Variants in PRKCH observed in about 807,000 individuals in gnomAD.
PRKCH encodes the protein protein kinase C eta.
In PRKCH, 28 loss-of-function variants were observed where a neutral mutation model predicts 82.5. That is an observed-to-expected ratio of 0.34 (90% confidence interval 0.25 to 0.47). PRKCH has a LOEUF of 0.47. Ranked by LOEUF, PRKCH falls within the 20% of genes least tolerant of loss-of-function variation. PRKCH has a pLI of 1.00. For synonymous variants in PRKCH, 322 were observed against 327.4 expected (o/e 0.98, Z 0.18); for missense variants, 705 against 881.8 (o/e 0.80, Z 2.54).
chr14:61,539,623 A>G (rs1187369008), intron 12 of PRKCH, among the ~76,000 whole-genome samples: 2 of 152,204 alleles, frequency 1.3e-5, no homozygotes, highest in African/African-American at 4.8e-5. Flanking sequence ...CTTTATTTTT[A>G]ATAAAGAAAA....
intron 13 of PRKCH, among the ~76,000 whole-genome samples, chr14:61,548,385 A>G (rs371275348): frequency 6.6e-6 from 1 of 152,230 alleles, no homozygotes; most frequent in Non-Finnish European, 1.5e-5. Flanking sequence ...AGGCCAGGCC[A>G]GGCTTCTTTG....
At chr14:61,246,411 G>GA (rs56223735) in intron 1 of PRKCH, among the ~76,000 whole-genome samples, 32,556 of 146,546 alleles carry the variant, frequency 0.22, 4,383 homozygotes, top group African/African-American at 0.38. Flanking sequence ...CTGTCTCAAA[G>GA]AAAAAAAAAA....
At chr14:61,334,709 C>A (rs116410266) in intron 1 of PRKCH, among the ~76,000 whole-genome samples, 250 of 152,274 alleles carry the variant, frequency 1.6e-3, no homozygotes, top group African/African-American at 5.7e-3. Context: ...GAGCAAGTCC[C>A]TCCATCTCTG....
chr14:61,532,664 C>T (rs2043055250), intron 12 of PRKCH, among the ~76,000 whole-genome samples: 1 of 152,050 alleles, frequency 6.6e-6, no homozygotes, highest in African/African-American at 2.4e-5. Context: ...TCTTTTTAAC[C>T]GGGTGAGCTC....
intron 1 of PRKCH, among the ~76,000 whole-genome samples, chr14:61,277,147 A>T (rs2045211311): frequency 6.6e-6 from 1 of 152,148 alleles, no homozygotes. Context: ...GGTTGCAGTG[A>T]GCCAAGTTCA....
At chr14:61,453,502 CTTTCTTTCTTTTTTCT>C in intron 7 of PRKCH, 149 bp downstream of exon 7, 2 of 785,792 alleles carry the variant, frequency 2.5e-6, no homozygotes, top group East Asian at 6.7e-5. Context: ...CTTTCTCTTT[CTTTCTTTCTTTTTTCT>C]TTTCTTTCTT....
intron 1 of PRKCH, among the ~76,000 whole-genome samples, chr14:61,325,405 C>T (rs1239007131): frequency 6.6e-6 from 1 of 152,192 alleles, no homozygotes; most frequent in African/African-American, 2.4e-5. Flanking sequence ...GGTGCTTGAA[C>T]AACTGGATAG....
intron 10 of PRKCH, among the ~76,000 whole-genome samples, chr14:61,520,918 G>A (rs2042896630): frequency 6.6e-6 from 1 of 152,178 alleles, no homozygotes; most frequent in Non-Finnish European, 1.5e-5. Context: ...ACTCCCACAA[G>A]TGTGCAAATC....
chr14:61,420,517 G>A (rs943674266), intron 2 of PRKCH, among the ~76,000 whole-genome samples: 5 of 152,156 alleles, frequency 3.3e-5, no homozygotes, highest in African/African-American at 9.7e-5. Context: ...CTGTCTCCCC[G>A]GCAGACTCAT....
chr14:61,405,470 C>T (rs1049695256), intron 2 of PRKCH, among the ~76,000 whole-genome samples: 6 of 152,160 alleles, frequency 3.9e-5, no homozygotes, highest in Middle Eastern at 3.4e-3. Flanking sequence ...CTCCACCTCC[C>T]GGGTTCAAGC....
intron 9 of PRKCH, 96 bp from the exon 10 acceptor site, chr14:61,485,406 G>A (rs2251380): frequency 1.4e-4 from 199 of 1,431,154 alleles, no homozygotes; most frequent in Non-Finnish European, 1.8e-4. Context: ...ACTTGACAGT[G>A]TCCTCTCTAT....
chr14:61,276,544 C>G (rs1473242628), intron 1 of PRKCH, among the ~76,000 whole-genome samples: 1 of 151,734 alleles, frequency 6.6e-6, no homozygotes, highest in Non-Finnish European at 1.5e-5. Context: ...TTATTAGAGG[C>G]GGGGTTTCAC....
At chr14:61,470,350 G>A (rs1443355137) in intron 9 of PRKCH, among the ~76,000 whole-genome samples, 4 of 151,080 alleles carry the variant, frequency 2.6e-5, no homozygotes, top group African/African-American at 9.8e-5. Flanking sequence ...TTCTCATCCC[G>A]CTGGCAAGAC....
intron 1 of PRKCH, among the ~76,000 whole-genome samples, chr14:61,258,613 C>T (rs1277379875): frequency 6.6e-6 from 1 of 152,140 alleles, no homozygotes; most frequent in Non-Finnish European, 1.5e-5. Context: ...TTTATGAGAA[C>T]ACAGACATAG....
At chr14:61,235,885 AAAAAT>A (rs1269412892) in intron 1 of PRKCH, among the ~76,000 whole-genome samples, 1 of 152,208 alleles carries the variant, frequency 6.6e-6, no homozygotes, top group African/African-American at 2.4e-5. Flanking sequence ...AGTGTAAACT[AAAAAT>A]AAAATTCTAA....
At chr14:61,197,688 C>T (rs1364106590) in intron 1 of PRKCH, among the ~76,000 whole-genome samples, 2 of 152,134 alleles carry the variant, frequency 1.3e-5, no homozygotes, top group African/African-American at 4.8e-5. Context: ...CTCTTAAAGG[C>T]CCCATCTCTC....
intron 1 of PRKCH, among the ~76,000 whole-genome samples, chr14:61,254,862 A>G (rs1959663): frequency 0.88 from 134,281 of 152,156 alleles, 59,316 homozygotes; most frequent in Middle Eastern, 0.93. Flanking sequence ...GGTGTAGACC[A>G]GCATCGCCAA....
At chr14:61,297,922 G>A (rs1006885957) in intron 1 of PRKCH, among the ~76,000 whole-genome samples, 4 of 152,154 alleles carry the variant, frequency 2.6e-5, no homozygotes, top group Admixed American at 2.0e-4. Context: ...AATCATCTGA[G>A]GTGCTAGTCT....
At chr14:61,263,857 G>GTA (rs1300879393) in intron 1 of PRKCH, among the ~76,000 whole-genome samples, 1 of 22,250 alleles carries the variant, frequency 4.5e-5, no homozygotes, top group South Asian at 1.7e-3. Context: ...TTGTGTGTGT[G>GTA]TGTGTGTGTG....
Sources: allele counts gnomAD v4.1 joint callset (sites outside exome capture counted in the v4.1 genomes callset), GRCh38; gene constraint gnomAD v4.1.1; transcripts MANE v1.5; gene names NCBI Gene and HGNC (gene_info 2026-07-23, HGNC 2026-07-21).